Variants in MBNL2 observed in about 807,000 individuals in gnomAD.
The protein encoded by MBNL2 is muscleblind-like protein 2.
In MBNL2, 17 loss-of-function variants were observed where a neutral mutation model predicts 41.9. That is an observed-to-expected ratio of 0.41 (90% CI 0.28 to 0.61). The LOEUF (loss-of-function observed/expected upper bound fraction) is 0.61. Among genes scored for constraint, MBNL2 ranks in the 20% least tolerant of loss-of-function variants. MBNL2 has a pLI of 0.35. For missense variants in MBNL2, 336 were observed against 505.6 expected, an observed-to-expected ratio of 0.66 and a Z score of 3.22; for synonymous variants, 195 against 182.9, an observed-to-expected ratio of 1.07 and a Z score of -0.53.
chr13:97,347,218 C>G (rs1334670102), intron 5 of MBNL2, 151 bp downstream of exon 5: 1 of 657,756 alleles, frequency 1.5e-6, no homozygotes, highest in Non-Finnish European at 2.5e-6. Context: ...TGTTTTCCCC[C>G]TTTTTGTTTT....
At chr13:97,259,221 G>A (rs2048133445) in intron 1 of MBNL2, among the ~76,000 whole-genome samples, 1 of 152,104 alleles carries the variant, frequency 6.6e-6, no homozygotes, top group Non-Finnish European at 1.5e-5. Context: ...TGAAGACTGG[G>A]CTTGGGTGTG....
chr13:97,155,427 G>A, the MBNL2 span, among the ~76,000 whole-genome samples: 6 of 147,526 alleles, frequency 4.1e-5, no homozygotes, highest in Admixed American at 2.0e-4. Context: ...TTAAGTTTTA[G>A]GGTACACGTG....
chr13:97,157,836 G>A, the MBNL2 span, among the ~76,000 whole-genome samples: 10 of 151,996 alleles, frequency 6.6e-5, no homozygotes, highest in East Asian at 1.4e-3. Flanking sequence ...TGTTCATCAA[G>A]GATATTGGTC....
chr13:97,371,746 G>T (rs895772047), intron 8 of MBNL2, among the ~76,000 whole-genome samples: 3 of 152,170 alleles, frequency 2.0e-5, no homozygotes, highest in African/African-American at 7.2e-5. Flanking sequence ...ACTTTGTCTT[G>T]CCTTTGCCCA....
chr13:97,245,549 A>C (rs2152824071), intron 1 of MBNL2, among the ~76,000 whole-genome samples: 1 of 152,328 alleles, frequency 6.6e-6, no homozygotes, highest in Middle Eastern at 3.4e-3. Context: ...TCTTTCTGCA[A>C]GGGTGGTAGG....
At chr13:97,285,391 G>A (rs772394674) in intron 2 of MBNL2, among the ~76,000 whole-genome samples, 8 of 152,312 alleles carry the variant, frequency 5.3e-5, no homozygotes, top group East Asian at 1.9e-4. Flanking sequence ...TTGGAGAGAC[G>A]CAGGAATTGC....
intron 2 of MBNL2, among the ~76,000 whole-genome samples, chr13:97,287,172 T>G (rs2054635914): frequency 6.6e-6 from 1 of 152,172 alleles, no homozygotes; most frequent in African/African-American, 2.4e-5. Flanking sequence ...GGCTCACTCG[T>G]GTATAGCTGT....
At chr13:97,344,038 T>A (rs1040826021) in intron 4 of MBNL2, among the ~76,000 whole-genome samples, 3 of 152,198 alleles carry the variant, frequency 2.0e-5, no homozygotes, top group Non-Finnish European at 4.4e-5. Flanking sequence ...ACTCCCAACC[T>A]CAGGTGATCC....
At chr13:97,161,146 A>T in the MBNL2 span, among the ~76,000 whole-genome samples, 2 of 152,142 alleles carry the variant, frequency 1.3e-5, no homozygotes, top group African/African-American at 4.8e-5. Context: ...AGGTCTGAAA[A>T]GCACTGGTTT....
intron 7 of MBNL2, among the ~76,000 whole-genome samples, chr13:97,358,288 GC>G (rs1436108418): frequency 6.6e-6 from 1 of 152,060 alleles, no homozygotes; most frequent in Non-Finnish European, 1.5e-5. Context: ...TCCTCATCCA[GC>G]TGATTGTTTT....
intron 1 of MBNL2, among the ~76,000 whole-genome samples, chr13:97,241,643 A>G (rs2044300491): frequency 6.6e-6 from 1 of 152,228 alleles, no homozygotes; most frequent in African/African-American, 2.4e-5. Flanking sequence ...GATTGGTAGC[A>G]ATGGAATTGA....
At position 97,248,614 on chromosome 13, in the gene MBNL2, G is replaced by A. The variant is rs1238456113; in HGVS notation, c.-605+26083G>A. Among the ~76,000 whole-genome samples, 10 of 152,144 alleles carry A rather than the reference G, an allele frequency of 6.6e-5. No individual in the cohort carries two copies. In the South Asian group the frequency reaches 8.3e-4, roughly 13 times the overall value. ...GTCTCCAAAGGGACAAAGCCCTAGC[G>A]TAATATCTCTAACCATTTAAAGCAC... On this transcript the variant is annotated intron_variant, in intron 1 of 8. Transcript: ENST00000679496.
At chr13:97,169,339 A>G in the MBNL2 span, among the ~76,000 whole-genome samples, 4 of 152,284 alleles carry the variant, frequency 2.6e-5, no homozygotes, top group African/African-American at 4.8e-5. Context: ...GGATTGAAAA[A>G]CCAAATAATG....
chr13:97,168,329 T>C, the MBNL2 span, among the ~76,000 whole-genome samples: 12 of 152,210 alleles, frequency 7.9e-5, no homozygotes, highest in Non-Finnish European at 1.6e-4. Context: ...TCAAAACTTA[T>C]CAAATCTAAT....
chr13:97,219,340 C>A (rs1421332748), upstream of MBNL2, among the ~76,000 whole-genome samples: 1 of 152,182 alleles, frequency 6.6e-6, no homozygotes, highest in Non-Finnish European at 1.5e-5. Context: ...TGGCACAGAG[C>A]CTCATGGGCC....
chr13:97,292,835 T>G (rs2056390574), intron 2 of MBNL2, among the ~76,000 whole-genome samples: 1 of 152,150 alleles, frequency 6.6e-6, no homozygotes, highest in South Asian at 2.1e-4. Flanking sequence ...GGGAATTATT[T>G]ATTTCACCAA....
chr13:97,170,725 CAATCT>C, the MBNL2 span, among the ~76,000 whole-genome samples: 1 of 152,096 alleles, frequency 6.6e-6, no homozygotes, highest in Non-Finnish European at 1.5e-5. Context: ...CTCAAAAGGC[CAATCT>C]CAGGTTCTAC....
intron 7 of MBNL2, among the ~76,000 whole-genome samples, chr13:97,359,077 G>A (rs982859916): frequency 2.6e-5 from 4 of 152,148 alleles, no homozygotes; most frequent in Non-Finnish European, 4.4e-5. Flanking sequence ...TTTATTAGGA[G>A]TTCACTTTTG....
chr13:97,280,937 C>T (rs558314646), intron 2 of MBNL2, among the ~76,000 whole-genome samples: 3 of 152,306 alleles, frequency 2.0e-5, no homozygotes, highest in African/African-American at 4.8e-5. Context: ...TTCCTTCTCA[C>T]CTGGCTTTAC....
Sources: allele counts gnomAD v4.1 joint callset (sites outside exome capture counted in the v4.1 genomes callset), GRCh38; gene constraint gnomAD v4.1.1; transcripts MANE v1.5; gene names NCBI Gene and HGNC (gene_info 2026-07-23, HGNC 2026-07-21).